Variants in HS6ST3 observed in about 807,000 individuals in gnomAD.
The protein encoded by HS6ST3 is heparan sulfate 6-O-sulfotransferase 3.
In HS6ST3, 12 loss-of-function variants were observed where a neutral mutation model predicts 36.7. The ratio of observed to expected loss-of-function variants is 0.33; its 90% CI spans 0.21 to 0.53. HS6ST3 has a LOEUF of 0.53. Ranked by LOEUF, HS6ST3 falls within the 20% of genes least tolerant of loss-of-function variation. The pLI is 0.95. For missense variants in HS6ST3, 584 were observed against 640.9 expected (o/e 0.91, Z 0.96); for synonymous variants, 240 against 257.5 (o/e 0.93, Z 0.65).
chr13:96,595,556 A>G (rs1441821306), intron 1 of HS6ST3, among the ~76,000 whole-genome samples: 3 of 151,710 alleles, frequency 2.0e-5, no homozygotes, highest in Non-Finnish European at 4.4e-5. Flanking sequence ...GGTGACCTTC[A>G]GCCTGAATAT....
At chr13:96,367,054 T>C (rs2055266643) in intron 1 of HS6ST3, among the ~76,000 whole-genome samples, 1 of 152,214 alleles carries the variant, frequency 6.6e-6, no homozygotes, top group Non-Finnish European at 1.5e-5. Flanking sequence ...TTACCCACTT[T>C]TGGTTATGTC....
chr13:96,252,571 C>T (rs1165022470), intron 1 of HS6ST3, among the ~76,000 whole-genome samples: 2 of 152,146 alleles, frequency 1.3e-5, no homozygotes, highest in Non-Finnish European at 1.5e-5. Flanking sequence ...TGGTTTCTCC[C>T]AATCCATCAA....
At chr13:96,783,063 T>C (rs1171570936) in intron 1 of HS6ST3, among the ~76,000 whole-genome samples, 9 of 152,114 alleles carry the variant, frequency 5.9e-5, no homozygotes, top group Non-Finnish European at 1.2e-4. Context: ...GAGGGCAAAA[T>C]AGAGCACATT....
chr13:96,806,849 CT>C (rs535619084), intron 1 of HS6ST3, among the ~76,000 whole-genome samples: 1 of 152,140 alleles, frequency 6.6e-6, no homozygotes, highest in African/African-American at 2.4e-5. Flanking sequence ...AATGTCCAAG[CT>C]TTTTATAAGC....
chr13:96,577,959 A>G (rs2056327944), intron 1 of HS6ST3, among the ~76,000 whole-genome samples: 1 of 152,234 alleles, frequency 6.6e-6, no homozygotes, highest in Non-Finnish European at 1.5e-5. Flanking sequence ...TTTATTGACC[A>G]TGGAGTAGGA....
intron 1 of HS6ST3, among the ~76,000 whole-genome samples, chr13:96,323,097 A>C (rs186581061): frequency 4.6e-5 from 7 of 151,956 alleles, no homozygotes; most frequent in African/African-American, 1.7e-4. Context: ...TCCAAATACT[A>C]CCTATATTTT....
At chr13:96,608,713 T>G (rs1566410195) in intron 1 of HS6ST3, among the ~76,000 whole-genome samples, 1 of 152,072 alleles carries the variant, frequency 6.6e-6, no homozygotes, top group Non-Finnish European at 1.5e-5. Flanking sequence ...AAAACCAGAG[T>G]AATTAGAGAC....
At chr13:96,764,662 C>T (rs1877051329) in intron 1 of HS6ST3, among the ~76,000 whole-genome samples, 1 of 152,180 alleles carries the variant, frequency 6.6e-6, no homozygotes, top group Admixed American at 6.5e-5. Flanking sequence ...CTTTCCTTCA[C>T]ACTTTCTGTG....
intron 1 of HS6ST3, among the ~76,000 whole-genome samples, chr13:96,412,841 TTA>T (rs971154140): frequency 6.0e-5 from 9 of 149,640 alleles, no homozygotes; most frequent in Admixed American, 2.7e-4. Context: ...ATACAGTATA[TTA>T]TATATATATA....
At chr13:96,551,566 A>C (rs2056219572) in intron 1 of HS6ST3, among the ~76,000 whole-genome samples, 1 of 152,242 alleles carries the variant, frequency 6.6e-6, no homozygotes, top group African/African-American at 2.4e-5. Context: ...ACAGAAAAAT[A>C]AACACAAAGT....
intron 1 of HS6ST3, among the ~76,000 whole-genome samples, chr13:96,723,556 G>T (rs1393261381): frequency 6.6e-6 from 1 of 152,164 alleles, no homozygotes; most frequent in African/African-American, 2.4e-5. Flanking sequence ...GATAAAACTT[G>T]CAGTAAATGT....
chr13:96,179,767 A>G (rs1190373275), intron 1 of HS6ST3, among the ~76,000 whole-genome samples: 1 of 151,106 alleles, frequency 6.6e-6, no homozygotes, highest in Non-Finnish European at 1.5e-5. Context: ...ATCATTTATT[A>G]TGTAATTTTT....
In HS6ST3 at chr13:96,762,859, G is replaced by A. The variant is rs557779066; in HGVS notation, c.708-69631G>A. 2.9e-3 allele frequency among the ~76,000 whole-genome samples: 448 copies of A among 152,134 alleles called. 1 individual carries two copies. Among genetic ancestry groups the A allele is most frequent in the Non-Finnish European group, 5.7e-3 (386 of 68,006 alleles). ...GGTCTTCCCTACATGTCCTTATCTCGTCCACTGACCTTTCTCTCCTTCATT... is the reference window on the plus strand; with the variant it reads ...GGTCTTCCCTACATGTCCTTATCTCATCCACTGACCTTTCTCTCCTTCATT... On this transcript the variant is annotated intron_variant, in intron 1 of 1. Transcript: ENST00000376705.
chr13:96,629,856 T>C (rs912002038), intron 1 of HS6ST3, among the ~76,000 whole-genome samples: 3 of 152,120 alleles, frequency 2.0e-5, no homozygotes, highest in Non-Finnish European at 4.4e-5. Flanking sequence ...CCAATTTTAT[T>C]CATTAGCTCC....
intron 1 of HS6ST3, among the ~76,000 whole-genome samples, chr13:96,274,839 T>TCACACA (rs60430769): frequency 0.01 from 1,306 of 126,154 alleles, 18 homozygotes; most frequent in Non-Finnish European, 0.013. Context: ...ACTTAGTCCT[T>TCACACA]CACACACACA....
chr13:96,395,819 A>G (rs575906048), intron 1 of HS6ST3, among the ~76,000 whole-genome samples: 1 of 152,186 alleles, frequency 6.6e-6, no homozygotes, highest in East Asian at 1.9e-4. Context: ...GATTTTTAGT[A>G]AAGGAGTGGT....
chr13:96,272,042 C>A (rs2054722981), intron 1 of HS6ST3, among the ~76,000 whole-genome samples: 1 of 151,940 alleles, frequency 6.6e-6, no homozygotes, highest in Non-Finnish European at 1.5e-5. Flanking sequence ...TGATTGAAGC[C>A]AAGGTATTTA....
intron 1 of HS6ST3, among the ~76,000 whole-genome samples, chr13:96,324,647 G>T (rs1200524190): frequency 1.3e-5 from 2 of 152,288 alleles, no homozygotes; most frequent in African/African-American, 2.4e-5. Context: ...AGGTCATTGG[G>T]GTGGCCCTAG....
chr13:96,468,737 C>T (rs766454662), intron 1 of HS6ST3, among the ~76,000 whole-genome samples: 10 of 152,222 alleles, frequency 6.6e-5, no homozygotes, highest in Middle Eastern at 3.4e-3. Context: ...CCTGTGGAAG[C>T]TATAATTTAG....
Sources: gnomAD v4.1 joint callset for allele counts (sites outside exome capture counted in the v4.1 genomes callset) on GRCh38, gnomAD v4.1.1 for gene constraint, MANE v1.5 for transcripts, NCBI Gene and HGNC (gene_info 2026-07-23, HGNC 2026-07-21) for gene names.